The following SNTG1 variants were observed in gnomAD, a reference collection of about 807,000 sequenced individuals.
SNTG1 encodes gamma-1-syntrophin.
SNTG1 carries 39 observed loss-of-function variants against 74.7 expected under a neutral mutation model. The observed-to-expected ratio is 0.52, with a 90% CI of 0.40 to 0.68. The LOEUF (loss-of-function observed/expected upper bound fraction) is 0.68, where lower values mean the gene tolerates loss of function less well. Ranked by LOEUF, SNTG1 falls within the 30% of genes least tolerant of loss-of-function variation. The probability of loss-of-function intolerance (pLI) is 0.00; values close to 1 mark genes in which losing one functional copy is unlikely to be tolerated. For missense variants in SNTG1, 685 were observed against 609.5 expected (o/e 1.12, Z -1.30); for synonymous variants, 254 against 217.1 (o/e 1.17, Z -1.49).
rs397977320 is a variant in SNTG1, at chr8:50,751,989, T to TTC, written c.1285-12_1285-11insTC. 5.7e-3 allele frequency: 8,441 copies of TTC among 1,483,220 alleles called. 291 individuals are homozygous for TTC. The African/African-American group carries it at 0.089, about 16-fold the overall frequency. The allele number at this position is 1,483,220 out of a possible 1,614,324, so 91.9% of individuals were successfully genotyped here. On this transcript the variant is annotated splice_polypyrimidine_tract_variant and intron_variant, in intron 17 of 18. Transcript: ENST00000642720. The stretch of plus-strand genomic sequence containing the variant: ...TTCCACCGACTTACATTGTTTTTTT[T>TTC]CCCCCCTTTAGGCTGTCCTTTGGAG...
chr8:49,959,563 T>G (rs1358075924), intron 1 of SNTG1, among the ~76,000 whole-genome samples: 2 of 152,234 alleles, frequency 1.3e-5, no homozygotes, highest in Non-Finnish European at 1.5e-5. Flanking sequence ...TTTTTGCAAC[T>G]GACATTTTTA....
At chr8:50,405,251 T>C (rs1034396366) in intron 4 of SNTG1, among the ~76,000 whole-genome samples, 5 of 152,072 alleles carry the variant, frequency 3.3e-5, no homozygotes, top group Non-Finnish European at 7.4e-5. Context: ...AGTTGTACCA[T>C]TTTCCATTTC....
intron 5 of SNTG1, among the ~76,000 whole-genome samples, chr8:50,443,250 TA>T (rs1367582194): frequency 6.6e-6 from 1 of 152,196 alleles, no homozygotes; most frequent in Non-Finnish European, 1.5e-5. Context: ...TGCACATTAT[TA>T]AATTATACTT....
At chr8:50,434,447 T>C (rs999897584) in intron 4 of SNTG1, among the ~76,000 whole-genome samples, 2 of 150,486 alleles carry the variant, frequency 1.3e-5, no homozygotes, top group African/African-American at 4.9e-5. Context: ...TAGTTCTAGA[T>C]CCTTGAGGAA....
intron 4 of SNTG1, among the ~76,000 whole-genome samples, chr8:50,434,180 G>T (rs1241506850): frequency 6.6e-6 from 1 of 151,942 alleles, no homozygotes; most frequent in African/African-American, 2.4e-5. Context: ...CAGAATGATG[G>T]TTTCCAGCTT....
At chr8:50,557,941 T>G (rs116739134) in intron 12 of SNTG1, among the ~76,000 whole-genome samples, 4,841 of 152,238 alleles carry the variant, frequency 0.032, 122 homozygotes, top group African/African-American at 0.058. Flanking sequence ...CTTCTTGCAG[T>G]TCACACATAA....
intron 2 of SNTG1, among the ~76,000 whole-genome samples, chr8:50,174,001 C>T (rs1183219303): frequency 6.6e-6 from 1 of 152,098 alleles, no homozygotes; most frequent in African/African-American, 2.4e-5. Context: ...CCCCAACTCC[C>T]AAAAGGCCCT....
At chr8:50,231,543 AT>A (rs1333985422) in intron 2 of SNTG1, among the ~76,000 whole-genome samples, 1 of 151,418 alleles carries the variant, frequency 6.6e-6, no homozygotes, top group Non-Finnish European at 1.5e-5. Context: ...ATGCAACACT[AT>A]TTAGCCTTAA....
chr8:50,205,285 C>T (rs1386366010), intron 2 of SNTG1, among the ~76,000 whole-genome samples: 4 of 152,176 alleles, frequency 2.6e-5, no homozygotes, highest in Admixed American at 2.0e-4. Context: ...GATGGTATCT[C>T]ATTGTGGTTT....
chr8:50,446,993 T>C (rs1355071983), intron 5 of SNTG1, among the ~76,000 whole-genome samples: 2 of 152,158 alleles, frequency 1.3e-5, no homozygotes, highest in African/African-American at 2.4e-5. Flanking sequence ...TAAAATGGAA[T>C]TATAATAATA....
intron 9 of SNTG1, among the ~76,000 whole-genome samples, chr8:50,515,739 G>T (rs1284911997): frequency 6.6e-6 from 1 of 152,156 alleles, no homozygotes; most frequent in Non-Finnish European, 1.5e-5. Flanking sequence ...ACTGTAGCCA[G>T]ACTGCCTCTC....
chr8:50,690,939 G>T lies in SNTG1; in HGVS notation c.1039-13661G>T, dbSNP rs1237387421. Reference sequence around the variant, plus strand: ...TTATGAATCTGGGTGCTCCTGTATTGGGTGCATATATATTTAGGATAGTTA... The same window carrying T: ...TTATGAATCTGGGTGCTCCTGTATTTGGTGCATATATATTTAGGATAGTTA... On this transcript the variant is annotated intron_variant, in intron 15 of 18. Coordinates refer to ENST00000642720, the MANE Select transcript of SNTG1 (RefSeq NM_018967.5). Among the ~76,000 whole-genome samples, 4 of 152,092 alleles carry T rather than the reference G, an allele frequency of 2.6e-5. No individual in the cohort carries two copies. In the East Asian group the frequency reaches 7.7e-4, roughly 29 times the overall value.
chr8:50,784,957 T>C (rs2095670423), intron 18 of SNTG1, among the ~76,000 whole-genome samples: 1 of 151,856 alleles, frequency 6.6e-6, no homozygotes, highest in Non-Finnish European at 1.5e-5. Context: ...AAATAACCAA[T>C]GGGTCAAAAA....
intron 15 of SNTG1, among the ~76,000 whole-genome samples, chr8:50,665,948 T>C (rs1377799404): frequency 1.3e-5 from 2 of 152,150 alleles, no homozygotes; most frequent in Admixed American, 6.6e-5. Context: ...GTGACAGCAT[T>C]GCCTTAACAA....
At chr8:50,781,364 C>A (rs1419511637) in intron 18 of SNTG1, among the ~76,000 whole-genome samples, 1 of 152,110 alleles carries the variant, frequency 6.6e-6, no homozygotes, top group Non-Finnish European at 1.5e-5. Context: ...TCACTCAGGA[C>A]TTGCTTTATG....
At chr8:50,083,193 G>A (rs1822570179) in intron 1 of SNTG1, among the ~76,000 whole-genome samples, 1 of 152,124 alleles carries the variant, frequency 6.6e-6, no homozygotes, top group Non-Finnish European at 1.5e-5. Context: ...ATAAATTAAT[G>A]TTTCTTAGTT....
rs371011322 is a variant in SNTG1 at position 49,969,191 on chromosome 8, AT to A, written c.-103+56966del. 3.0e-4 allele frequency among the ~76,000 whole-genome samples: 45 copies of A among 151,908 alleles called. No individual in the cohort carries two copies. The East Asian group carries it at 7.6e-3, about 26-fold the overall frequency. ...TTTCTTTTTAATAACGTGGTGAATAATTTTTTAAGAGGCTTGGTTTACTTTT... is the reference window on the plus strand; with the variant it reads ...TTTCTTTTTAATAACGTGGTGAATAATTTTTAAGAGGCTTGGTTTACTTTT... On this transcript the variant is annotated intron_variant, in intron 1 of 18. Coordinates refer to ENST00000642720, the MANE Select transcript of SNTG1 (RefSeq NM_018967.5).
chr8:50,199,872 T>A (rs1198094391), intron 2 of SNTG1, among the ~76,000 whole-genome samples: 3 of 152,146 alleles, frequency 2.0e-5, no homozygotes, highest in African/African-American at 7.2e-5. Flanking sequence ...GATTCTGAAG[T>A]GAATGACATG....
rs1345520519 is a variant in SNTG1 at position 50,793,733 on chromosome 8, T to G, written c.*904T>G. On this transcript the variant is annotated 3_prime_UTR_variant, in exon 19 of 19. Coordinates refer to ENST00000642720, the MANE Select transcript of SNTG1 (RefSeq NM_018967.5). ...TAAACAAATATGGTGTGAGAAACAA[T>G]TCTTTGTAATCCGAAGTCTACTAGT... The G allele has an allele frequency of 6.6e-6, 1 of 151,902 alleles. No homozygotes were observed. Among genetic ancestry groups the G allele is most frequent in the Non-Finnish European group, 1.5e-5 (1 of 67,886 alleles). The allele number at this position is 151,902 out of a possible 1,614,324, so 9.4% of individuals were successfully genotyped here. A position where few individuals can be genotyped will look rare whatever the true frequency, so the allele number is the denominator to read the frequency against.
Sources: allele counts gnomAD v4.1 joint callset (sites outside exome capture counted in the v4.1 genomes callset), GRCh38; gene constraint gnomAD v4.1.1; transcripts MANE v1.5; gene names NCBI Gene and HGNC (gene_info 2026-07-23, HGNC 2026-07-21).